The following SV2C variants were observed in gnomAD, a reference collection of about 807,000 sequenced individuals.
SV2C encodes solute carrier family 22 member B3.
A neutral mutation model predicts 79.7 loss-of-function variants in SV2C; 49 were observed. That is an observed-to-expected ratio of 0.61 (90% CI 0.49 to 0.78). SV2C has a LOEUF of 0.78. Among genes scored for constraint, SV2C ranks in the 30% least tolerant of loss-of-function variants. The pLI is 0.00. For synonymous variants in SV2C, 334 were observed against 333.2 expected (o/e 1.00, Z -0.03); for missense variants, 833 against 912.9 (o/e 0.91, Z 1.13).
At chr5:75,933,091 A>G in the SV2C span, among the ~76,000 whole-genome samples, 2 of 151,998 alleles carry the variant, frequency 1.3e-5, no homozygotes, top group African/African-American at 4.8e-5. Flanking sequence ...TTTCCTCTCT[A>G]TGGGAGTTTT....
intron 1 of SV2C, among the ~76,000 whole-genome samples, chr5:76,104,156 C>T (rs1747829502): frequency 6.6e-6 from 1 of 152,144 alleles, no homozygotes; most frequent in Non-Finnish European, 1.5e-5. Flanking sequence ...GTAGGTAGCA[C>T]TATGAGCATT....
chr5:76,209,194 G>A (rs981512492), intron 3 of SV2C, among the ~76,000 whole-genome samples: 5 of 152,006 alleles, frequency 3.3e-5, no homozygotes, highest in African/African-American at 1.2e-4. Flanking sequence ...AAATGACCCC[G>A]TGAGTCATTT....
chr5:75,989,674 G>T, the SV2C span, among the ~76,000 whole-genome samples: 1 of 151,796 alleles, frequency 6.6e-6, no homozygotes, highest in African/African-American at 2.4e-5. Context: ...GTGTAGAATG[G>T]TATTTCTGCC....
At chr5:76,070,303 T>A in the SV2C span, among the ~76,000 whole-genome samples, 1 of 152,180 alleles carries the variant, frequency 6.6e-6, no homozygotes, top group African/African-American at 2.4e-5. Context: ...GTGCATGTGT[T>A]TCCAGGTAAC....
At chr5:75,870,249 A>C in the SV2C span, among the ~76,000 whole-genome samples, 3 of 152,112 alleles carry the variant, frequency 2.0e-5, no homozygotes, top group Non-Finnish European at 4.4e-5. Flanking sequence ...AAACTCAAGA[A>C]AAAATTCAAC....
intron 9 of SV2C, among the ~76,000 whole-genome samples, chr5:76,296,410 T>A (rs1747765394): frequency 1.3e-5 from 2 of 152,190 alleles, no homozygotes; most frequent in Admixed American, 1.3e-4. Context: ...GAGGTTAAAT[T>A]GCATCAGGAA....
At chr5:76,285,030 C>A (rs776442024) in intron 4 of SV2C, 132 bp from the exon 5 acceptor site, 92 of 1,302,820 alleles carry the variant, frequency 7.1e-5, no homozygotes, top group Non-Finnish European at 9.1e-5. Flanking sequence ...ATGGATGATG[C>A]CCAGATCAGC....
chr5:75,919,062 C>T, the SV2C span, among the ~76,000 whole-genome samples: 1 of 152,198 alleles, frequency 6.6e-6, no homozygotes, highest in Non-Finnish European at 1.5e-5. Context: ...GGGATTCCCT[C>T]CATCTCCAAA....
chr5:76,194,236 C>T (rs904241368), intron 2 of SV2C, among the ~76,000 whole-genome samples: 6 of 152,108 alleles, frequency 3.9e-5, no homozygotes, highest in South Asian at 2.1e-4. Context: ...ATCCACAGGC[C>T]GCTCCTGATC....
intron 2 of SV2C, among the ~76,000 whole-genome samples, chr5:76,191,184 G>GA (rs993409501): frequency 2.1e-4 from 31 of 150,638 alleles, no homozygotes; most frequent in African/African-American, 7.4e-4. Flanking sequence ...AGAGAAGAGG[G>GA]AGGTGCTACA....
At chr5:76,115,441 G>A (rs373228435) in intron 1 of SV2C, among the ~76,000 whole-genome samples, 1 of 152,196 alleles carries the variant, frequency 6.6e-6, no homozygotes, top group Non-Finnish European at 1.5e-5. Context: ...TCATAGATAC[G>A]TATCAAGCAC....
upstream of SV2C, chr5:76,082,514 C>CTCTCTCTCTCTTCTCT (rs1491527771): frequency 2.7e-4 from 41 of 152,016 alleles, no homozygotes; most frequent in African/African-American, 9.4e-4. Flanking sequence ...CTCTCTCTCT[C>CTCTCTCTCTCTTCTCT]CCTCTCTCTC....
intron 3 of SV2C, among the ~76,000 whole-genome samples, chr5:76,197,542 C>A (rs1443763597): frequency 6.6e-6 from 1 of 152,046 alleles, no homozygotes; most frequent in Non-Finnish European, 1.5e-5. Context: ...GCTTAGTTAC[C>A]TTAGTCCAGG....
chr5:75,943,255 A>T, the SV2C span, among the ~76,000 whole-genome samples: 11 of 152,164 alleles, frequency 7.2e-5, no homozygotes, highest in Non-Finnish European at 1.5e-4. Context: ...AATAAATTAG[A>T]TACTGTTTAA....
chr5:76,223,639 C>T (rs1260042923), intron 4 of SV2C, among the ~76,000 whole-genome samples: 1 of 151,674 alleles, frequency 6.6e-6, no homozygotes, highest in Non-Finnish European at 1.5e-5. Flanking sequence ...CCCAACACAG[C>T]ATGCAACTTC....
chr5:76,022,990 C>T, the SV2C span, among the ~76,000 whole-genome samples: 2 of 152,168 alleles, frequency 1.3e-5, no homozygotes, highest in Non-Finnish European at 2.9e-5. Context: ...TAGAATACTT[C>T]GTTGTGGCAG....
upstream of SV2C, among the ~76,000 whole-genome samples, chr5:76,082,622 A>C (rs73767606): frequency 0.017 from 1,574 of 93,512 alleles, 9 homozygotes; most frequent in African/African-American, 0.041. Context: ...CTCTCTCTCT[A>C]TCTCTCTCTC....
At chr5:75,972,921 C>T in the SV2C span, among the ~76,000 whole-genome samples, 3 of 152,098 alleles carry the variant, frequency 2.0e-5, no homozygotes, top group South Asian at 2.1e-4. Context: ...AGACTTGGAA[C>T]CAACCCAAAT....
rs1561228562 is a variant in SV2C at position 76,130,179 on chromosome 5, AAG to A, written c.-101-1468_-101-1467del. On this transcript the variant is annotated intron_variant, in intron 1 of 12. Transcript: ENST00000502798. ...AAAAAAAAAAAAAAAAAAAAAAAAA[AAG>A]AGCTGGGGGAGAACAAACAGAAAAA... Among the ~76,000 whole-genome samples the A allele has an allele frequency of 4.8e-3, 475 of 98,268 alleles. 11 individuals are homozygous for A. The highest frequency in any genetic ancestry group is 0.012 in the African/African-American group (297 of 24,090). The allele number at this position is 98,268 out of a possible 152,430, so 64.5% of individuals were successfully genotyped here. A position where few individuals can be genotyped will look rare whatever the true frequency, so the allele number is the denominator to read the frequency against.
Sources: allele counts gnomAD v4.1 joint callset (sites outside exome capture counted in the v4.1 genomes callset), GRCh38; gene constraint gnomAD v4.1.1; transcripts MANE v1.5; gene names NCBI Gene and HGNC (gene_info 2026-07-23, HGNC 2026-07-21).